Variants in MIS18BP1 observed in about 807,000 individuals in gnomAD.
MIS18BP1 encodes the protein mis18-binding protein 1.
A neutral mutation model predicts 116.1 loss-of-function variants in MIS18BP1; 72 were observed. The ratio of observed to expected loss-of-function variants is 0.62; its 90% CI spans 0.51 to 0.75. MIS18BP1 has a LOEUF of 0.75. Ranked by LOEUF, MIS18BP1 falls within the 30% of genes least tolerant of loss-of-function variation. The pLI is 0.00. For synonymous variants in MIS18BP1, 386 were observed against 427.0 expected (o/e 0.90, Z 1.18); for missense variants, 1,363 against 1,303.2 (o/e 1.05, Z -0.71).
At chr14:45,233,429 A>C (rs1891342506) in intron 6 of MIS18BP1, among the ~76,000 whole-genome samples, 1 of 152,120 alleles carries the variant, frequency 6.6e-6, no homozygotes, top group African/African-American at 2.4e-5. Context: ...CAAGATGAGA[A>C]GCTATGGAAA....
chr14:45,226,773 T>C lies in MIS18BP1; in HGVS notation c.1810A>G (p.Asn604Asp). 7.1e-7 allele frequency: 1 copy of C among 1,414,058 alleles called. No homozygotes were observed. Among genetic ancestry groups the C allele is most frequent in the Non-Finnish European group, 9.4e-7 (1 of 1,061,790 alleles). The allele number at this position is 1,414,058 out of a possible 1,614,324, so 87.6% of individuals were successfully genotyped here. The change falls in exon 10 of 17, where the codon AAT becomes GAT. Residue 604 changes from asparagine to aspartate, a missense_variant. Transcript: ENST00000310806. ...SKKLKIGERT[N>D]ERIIKSQKQE... ...TTCTGACTTTTTATTATCCTTTCAT[T>C]TGTTCTTTCACCAATTTTTAGTTTC...
intron 14 of MIS18BP1, among the ~76,000 whole-genome samples, chr14:45,209,810 A>G (rs1890625500): frequency 6.6e-6 from 1 of 152,228 alleles, no homozygotes; most frequent in Non-Finnish European, 1.5e-5. Context: ...TGTTGCTGCA[A>G]AGATCGCACT....
At chr14:45,214,404 C>T (rs1890757988) in intron 13 of MIS18BP1, among the ~76,000 whole-genome samples, 1 of 152,156 alleles carries the variant, frequency 6.6e-6, no homozygotes, top group Non-Finnish European at 1.5e-5. Context: ...ACACAGAGAC[C>T]TTTGTTTACA....
intron 11 of MIS18BP1, among the ~76,000 whole-genome samples, chr14:45,223,555 A>G (rs1891032758): frequency 6.6e-6 from 1 of 152,346 alleles, no homozygotes; most frequent in East Asian, 1.9e-4. Flanking sequence ...CAGACGGGGC[A>G]GCAGGGCGAG....
At chr14:45,237,376 G>C (rs1891458038) in intron 5 of MIS18BP1, among the ~76,000 whole-genome samples, 2 of 152,096 alleles carry the variant, frequency 1.3e-5, no homozygotes, top group South Asian at 4.1e-4. Context: ...GATAATACCA[G>C]TCCACTTATT....
In MIS18BP1 at chr14:45,206,177, G is replaced by A; in HGVS notation, c.3153-7C>T. 6.4e-7 allele frequency: 1 copy of A among 1,551,498 alleles called. No individual in the cohort carries two copies. The highest frequency in any genetic ancestry group is 8.8e-7 in the Non-Finnish European group (1 of 1,131,886). On this transcript the variant is annotated splice_polypyrimidine_tract_variant and splice_region_variant and intron_variant, in intron 14 of 16. Coordinates refer to ENST00000310806, the MANE Select transcript of MIS18BP1 (RefSeq NM_018353.5). ...ATATTTATCACAGTCATTCCTGTTT[G>A]AATACGAAATAATTTTAAGTCAACA...
rs75849724 is a variant in MIS18BP1, at chr14:45,220,811, C to A, written c.2670-2357G>T. 3.0e-3 allele frequency among the ~76,000 whole-genome samples: 463 copies of A among 152,244 alleles called. 17 individuals carry two copies. The East Asian group carries it at 0.074, about 24-fold the overall frequency. Reference sequence around the variant, plus strand: ...TTTATGAACTCCTAGGCCCATGCTGCAAATTTTGATATATTTTCATTTTTG... The same window carrying A: ...TTTATGAACTCCTAGGCCCATGCTGAAAATTTTGATATATTTTCATTTTTG... On this transcript the variant is annotated intron_variant, in intron 11 of 16. Coordinates refer to ENST00000310806, the MANE Select transcript of MIS18BP1 (RefSeq NM_018353.5).
chr14:45,245,783 A>T (rs1566822820), intron 2 of MIS18BP1, among the ~76,000 whole-genome samples: 1 of 152,182 alleles, frequency 6.6e-6, no homozygotes, highest in Non-Finnish European at 1.5e-5. Flanking sequence ...TTGCTTTTAA[A>T]ATACCATTTA....
chr14:45,240,314 G>A (rs868319361), intron 4 of MIS18BP1, among the ~76,000 whole-genome samples: 2 of 152,128 alleles, frequency 1.3e-5, no homozygotes, highest in African/African-American at 2.4e-5. Flanking sequence ...AATCAGGAAC[G>A]ATCCTGGAAT....
chr14:45,221,881 G>A (rs1890986684), intron 11 of MIS18BP1, among the ~76,000 whole-genome samples: 2 of 152,142 alleles, frequency 1.3e-5, no homozygotes, highest in African/African-American at 2.4e-5. Context: ...AGTTTAGTCC[G>A]CTGCTTTCAC....
chr14:45,220,734 C>G (rs1270431082), intron 11 of MIS18BP1, among the ~76,000 whole-genome samples: 1 of 152,186 alleles, frequency 6.6e-6, no homozygotes. Context: ...GTAGAAAGTA[C>G]GACAGAAATC....
intron 11 of MIS18BP1, among the ~76,000 whole-genome samples, chr14:45,218,881 TA>T (rs1223510395): frequency 7.7e-6 from 1 of 129,790 alleles, no homozygotes; most frequent in African/African-American, 2.5e-5. Flanking sequence ...GTCTAGGTTA[TA>T]AGCTATTAAA....
intron 11 of MIS18BP1, among the ~76,000 whole-genome samples, chr14:45,221,365 A>T (rs1890970306): frequency 6.6e-6 from 1 of 152,156 alleles, no homozygotes; most frequent in East Asian, 1.9e-4. Context: ...TGAACCTGGG[A>T]GGTGGAGCTT....
chr14:45,211,388 C>G (rs186042507), intron 13 of MIS18BP1, among the ~76,000 whole-genome samples: 2 of 152,150 alleles, frequency 1.3e-5, no homozygotes, highest in East Asian at 3.9e-4. Flanking sequence ...ATGGTGCTGG[C>G]CCCTTCACCA....
intron 1 of MIS18BP1, among the ~76,000 whole-genome samples, chr14:45,249,482 CA>C (rs1891811419): frequency 1.3e-5 from 2 of 152,182 alleles, no homozygotes; most frequent in Admixed American, 6.5e-5. Flanking sequence ...TGGCCTCCCA[CA>C]AGTGTTGGGA....
chr14:45,241,287 C>A (rs900533603), intron 4 of MIS18BP1, among the ~76,000 whole-genome samples: 1 of 152,016 alleles, frequency 6.6e-6, no homozygotes, highest in Non-Finnish European at 1.5e-5. Flanking sequence ...TTGGCCAGCA[C>A]GGTAAAACCC....
At chr14:45,245,206 C>T (rs1433599471) in intron 2 of MIS18BP1, among the ~76,000 whole-genome samples, 3 of 152,260 alleles carry the variant, frequency 2.0e-5, no homozygotes, top group South Asian at 2.1e-4. Flanking sequence ...ATTGCTAAAA[C>T]GAGCAGTAGA....
At chr14:45,235,569 G>GACAGAGC (rs1223664621) in intron 6 of MIS18BP1, among the ~76,000 whole-genome samples, 1 of 120,682 alleles carries the variant, frequency 8.3e-6, no homozygotes, top group Non-Finnish European at 1.6e-5. Context: ...CAGCCTGGGT[G>GACAGAGC]ACAGAGCAAG....
At chr14:45,212,462 C>T (rs913928155) in intron 13 of MIS18BP1, among the ~76,000 whole-genome samples, 10 of 152,134 alleles carry the variant, frequency 6.6e-5, no homozygotes, top group African/African-American at 2.4e-4. Context: ...CCCCACCCCC[C>T]ACCAGGAATG....
Sources: gnomAD v4.1 joint callset for allele counts (sites outside exome capture counted in the v4.1 genomes callset) on GRCh38, gnomAD v4.1.1 for gene constraint, MANE v1.5 for transcripts, NCBI Gene and HGNC (gene_info 2026-07-23, HGNC 2026-07-21) for gene names.